The following DCDC2 variants were observed in gnomAD, a reference collection of about 807,000 sequenced individuals.
DCDC2 encodes doublecortin domain containing 2.
Under a neutral mutation model 50.2 loss-of-function variants are expected in DCDC2, and 40 were observed. The observed-to-expected ratio is 0.80, with a 90% CI of 0.62 to 1.04. The LOEUF is 1.04. DCDC2 is among the 50% of genes least tolerant of loss of function. The pLI, the probability that DCDC2 is intolerant of heterozygous loss-of-function variation, is 0.00. For missense variants in DCDC2, 570 were observed against 581.9 expected (o/e 0.98, Z 0.21); for synonymous variants, 234 against 210.6 (o/e 1.11, Z -0.96).
intron 7 of DCDC2, chr6:24,205,355 C>A (rs2113761936): frequency 6.7e-7 from 1 of 1,486,244 alleles, no homozygotes; most frequent in Non-Finnish European, 9.0e-7. Context: ...CCTGTTCACC[C>A]TTTGGCTACT....
chr6:24,280,944 G>C (rs1763456472), intron 6 of DCDC2, among the ~76,000 whole-genome samples: 1 of 152,118 alleles, frequency 6.6e-6, no homozygotes, highest in Admixed American at 6.5e-5. Flanking sequence ...GCAAGGACTG[G>C]AATGGAACCC....
chr6:24,258,311 C>T (rs976553717), intron 7 of DCDC2, among the ~76,000 whole-genome samples: 6 of 152,106 alleles, frequency 3.9e-5, no homozygotes, highest in South Asian at 2.1e-4. Flanking sequence ...TATTTGTCCC[C>T]GCCCACATCC....
chr6:24,316,875 T>C (rs1214903460), intron 2 of DCDC2, among the ~76,000 whole-genome samples: 1 of 151,896 alleles, frequency 6.6e-6, no homozygotes. Context: ...ACAAAGACGA[T>C]GCAAGTATGA....
chr6:24,348,141 A>C (rs890825440), intron 2 of DCDC2, among the ~76,000 whole-genome samples: 1 of 152,212 alleles, frequency 6.6e-6, no homozygotes, highest in Non-Finnish European at 1.5e-5. Flanking sequence ...AGCAAGTGCC[A>C]GCACTTAAAG....
intron 2 of DCDC2, among the ~76,000 whole-genome samples, chr6:24,328,341 A>T (rs1449505505): frequency 3.3e-5 from 5 of 152,230 alleles, no homozygotes; most frequent in African/African-American, 1.2e-4. Context: ...AAAGTACTCT[A>T]TAAGGAATAT....
chr6:24,239,954 A>C (rs1246793573), intron 7 of DCDC2, among the ~76,000 whole-genome samples: 1 of 152,210 alleles, frequency 6.6e-6, no homozygotes, highest in Non-Finnish European at 1.5e-5. Context: ...CTGTAAAACA[A>C]AACTTGGAAA....
intron 7 of DCDC2, among the ~76,000 whole-genome samples, chr6:24,266,035 A>G (rs1189340579): frequency 6.6e-6 from 1 of 152,122 alleles, no homozygotes; most frequent in Non-Finnish European, 1.5e-5. Flanking sequence ...CCAGAAATAA[A>G]TCCATACACC....
intron 2 of DCDC2, among the ~76,000 whole-genome samples, chr6:24,350,260 T>G (rs552919357): frequency 4.6e-5 from 7 of 152,232 alleles, no homozygotes; most frequent in African/African-American, 1.7e-4. Flanking sequence ...GCAGGTGCCA[T>G]CTTGTCTAAA....
intron 7 of DCDC2, among the ~76,000 whole-genome samples, chr6:24,263,725 T>A (rs951778602): frequency 1.3e-5 from 2 of 152,090 alleles, no homozygotes; most frequent in African/African-American, 4.8e-5. Flanking sequence ...GAAACAAATT[T>A]ACAAGAACTA....
intron 7 of DCDC2, among the ~76,000 whole-genome samples, chr6:24,263,316 C>T (rs541589681): frequency 4.8e-4 from 73 of 152,228 alleles, no homozygotes; most frequent in African/African-American, 1.6e-3. Context: ...AATATCTAAC[C>T]GTTCAATGCT....
At chr6:24,243,573 T>C (rs1286148535) in intron 7 of DCDC2, among the ~76,000 whole-genome samples, 1 of 152,228 alleles carries the variant, frequency 6.6e-6, no homozygotes, top group African/African-American at 2.4e-5. Flanking sequence ...GCTCTCATTT[T>C]TAATAGAATA....
Position 24,325,389 on chromosome 6 carries a change from T to C in DCDC2, c.349-23345A>G, listed in dbSNP as rs904991916. 1.3e-5 allele frequency among the ~76,000 whole-genome samples: 2 copies of C among 149,712 alleles called. 1 individual carries two copies. Among genetic ancestry groups the C allele is most frequent in the South Asian group, 4.5e-4 (2 of 4,432 alleles). On this transcript the variant is annotated intron_variant, in intron 2 of 9. Coordinates refer to ENST00000378454, the MANE Select transcript of DCDC2 (RefSeq NM_016356.5). Reference sequence around the variant, plus strand: ...TGAGAGGCTGGAAGCCTCAATCAACTGTCTTCCTTGAAGAATAACCTAGAT... The same window carrying C: ...TGAGAGGCTGGAAGCCTCAATCAACCGTCTTCCTTGAAGAATAACCTAGAT...
At chr6:24,356,485 C>T (rs185064427) in intron 1 of DCDC2, among the ~76,000 whole-genome samples, 34 of 152,006 alleles carry the variant, frequency 2.2e-4, no homozygotes, top group South Asian at 1.5e-3. Context: ...GATGGTTGCA[C>T]AACTCTGAAT....
At chr6:24,307,493 T>A (rs1371438554) in intron 2 of DCDC2, among the ~76,000 whole-genome samples, 1 of 152,222 alleles carries the variant, frequency 6.6e-6, no homozygotes, top group Non-Finnish European at 1.5e-5. Flanking sequence ...TCAACTCTAT[T>A]TTCTTTATCG....
chr6:24,369,877 C>T, the DCDC2 span, among the ~76,000 whole-genome samples: 378 of 151,124 alleles, frequency 2.5e-3, 3 homozygotes, highest in African/African-American at 8.8e-3. Context: ...CTGTCTCTAC[C>T]AAAATTACAA....
chr6:24,258,613 CAACAAATGTG>C (rs1475268290), intron 7 of DCDC2, among the ~76,000 whole-genome samples: 1 of 152,176 alleles, frequency 6.6e-6, no homozygotes, highest in Non-Finnish European at 1.5e-5. Flanking sequence ...AAACTACTGT[CAACAAATGTG>C]AACCTCAGAG....
intron 1 of DCDC2, chr6:24,357,178 C>A: frequency 3.1e-6 from 1 of 327,470 alleles, no homozygotes; most frequent in East Asian, 5.1e-5. Context: ...TGGTCACTAA[C>A]CTTTGCAAGG....
At chr6:24,290,025 G>A (rs923806175) in intron 5 of DCDC2, among the ~76,000 whole-genome samples, 9 of 112,932 alleles carry the variant, frequency 8.0e-5, no homozygotes, top group African/African-American at 2.6e-4. Flanking sequence ...ACGGAGTCTC[G>A]CTCTGTCGCC....
intron 7 of DCDC2, among the ~76,000 whole-genome samples, chr6:24,233,391 T>C (rs1440768064): frequency 6.6e-6 from 1 of 152,252 alleles, no homozygotes; most frequent in African/African-American, 2.4e-5. Flanking sequence ...ACACTTATCA[T>C]CTGTACTATT....
Sources: allele counts gnomAD v4.1 joint callset (sites outside exome capture counted in the v4.1 genomes callset), GRCh38; gene constraint gnomAD v4.1.1; transcripts MANE v1.5; gene names NCBI Gene and HGNC (gene_info 2026-07-23, HGNC 2026-07-21).